AHNAK2: variants seen among roughly 807,000 people sequenced by gnomAD.
The protein encoded by AHNAK2 is protein AHNAK2.
A neutral mutation model predicts 30.7 loss-of-function variants in AHNAK2; 18 were observed. That is an observed-to-expected ratio of 0.59 (90% CI 0.41 to 0.87). AHNAK2 has a LOEUF of 0.87. AHNAK2 is among the 40% of genes least tolerant of loss of function. AHNAK2 has a pLI of 0.00. For synonymous variants in AHNAK2, 3,590 were observed against 3,073.8 expected (o/e 1.17, Z -5.56); for missense variants, 8,604 against 7,373.0 (o/e 1.17, Z -6.11).
In AHNAK2 at chr14:104,950,087, G is replaced by T; in HGVS notation, c.5364C>A (p.Ser1788Arg). The T allele has an allele frequency of 6.3e-7, 1 of 1,586,866 alleles. No individual in the cohort carries two copies. Among genetic ancestry groups the T allele is most frequent in the South Asian group, 1.1e-5 (1 of 89,984 alleles). ...CTGGAGCCTCGACGTCCACCTCCAC[G>T]CTGGGCAGAGACACCTCCACGTCGG... ...MAPDVEVSLP[S>R]VEVDVEAPGA... The change falls in exon 7 of 7, where the codon AGC (serine) becomes AGA (arginine). Residue 1788 changes from serine to arginine, a missense_variant. Transcript: ENST00000333244.
chr14:104,974,392 C>G (rs1198226588), intron 1 of AHNAK2, among the ~76,000 whole-genome samples: 1 of 152,258 alleles, frequency 6.6e-6, no homozygotes, highest in Admixed American at 6.5e-5. Context: ...CAGCAGCTGA[C>G]GCTGCCACCT....
Position 104,953,431 on chromosome 14 carries a change from T to C in AHNAK2, c.2020A>G (p.Lys674Glu). Reference sequence around the variant, plus strand: ...ATCTTGAACTTGGGCATTTTGAACTTGCTGTCTTTGGTGGCCACTTCCTTT... The same window carrying C: ...ATCTTGAACTTGGGCATTTTGAACTCGCTGTCTTTGGTGGCCACTTCCTTT... Reference protein sequence around the residue: ...TEKEVATKDSKFKMPKFKMPL... With the variant: ...TEKEVATKDSEFKMPKFKMPL... The change falls in exon 7 of 7, where the codon AAG (lysine) becomes GAG (glutamate). Residue 674 changes from lysine to glutamate, a missense_variant. Physicochemically the swap from Lys to Glu is moderately conservative, Grantham distance 56. Transcript: ENST00000333244. 6.2e-7 allele frequency: 1 copy of C among 1,614,024 alleles called. No individual in the cohort carries two copies. The highest frequency in any genetic ancestry group is 8.5e-7 in the Non-Finnish European group (1 of 1,179,888).
chr14:104,956,936 C>T (rs1279831821), intron 3 of AHNAK2, among the ~76,000 whole-genome samples: 5 of 152,222 alleles, frequency 3.3e-5, no homozygotes, highest in Non-Finnish European at 7.3e-5. Flanking sequence ...GCCCACAGCG[C>T]CCATAGGGAA....
Position 104,938,036 on chromosome 14 carries a change from C to G in AHNAK2, c.*27G>C. The G allele has an allele frequency of 6.3e-7, 1 of 1,579,646 alleles. No individual in the cohort carries two copies. The highest frequency in any genetic ancestry group is 8.6e-7 in the Non-Finnish European group (1 of 1,161,762). The stretch of plus-strand genomic sequence containing the variant: ...TACTTTCCAACTTAGTTTTTTGCAT[C>G]TCTCTTGTACTGATGAGCCATACCT... On this transcript the variant is annotated 3_prime_UTR_variant, in exon 7 of 7. Transcript: ENST00000333244.
chr14:104,943,579 C>A lies in AHNAK2; in HGVS notation c.11872G>T (p.Asp3958Tyr), dbSNP rs746504225. 1.2e-6 allele frequency: 2 copies of A among 1,612,234 alleles called. No homozygotes were observed. The highest frequency in any genetic ancestry group is 1.7e-6 in the Non-Finnish European group (2 of 1,179,350). ...ARLEGDLSLA[D>Y]KDMTAKDSKF... is the part of the protein sequence containing the mutation. ...CTGTCTTTGGCCGTCATGTCCTTGTCGGCCAGGGACAGGTCCCCCTCCAGC... is the reference window on the plus strand; with the variant it reads ...CTGTCTTTGGCCGTCATGTCCTTGTAGGCCAGGGACAGGTCCCCCTCCAGC... Residue 3958 changes from aspartate to tyrosine, a missense_variant, in exon 7 of 7, where the codon GAC becomes TAC. Coordinates refer to ENST00000333244, the MANE Select transcript of AHNAK2 (RefSeq NM_138420.4).
rs190986194 is a variant in AHNAK2, at chr14:104,951,395, G to C, written c.4056C>G (p.Asp1352Glu). The change falls in exon 7 of 7, where the codon GAC (aspartate) becomes GAG (glutamate). Residue 1352 changes from aspartate (D) to glutamate (E), a missense_variant. By Grantham distance (45) the Asp-to-Glu change is conservative (BLOSUM62 2). Coordinates refer to ENST00000333244, the MANE Select transcript of AHNAK2 (RefSeq NM_138420.4). Reference sequence around the variant, plus strand: ...CGGCCTCCACCTTGGGTGCAGACAGGTCCACGGAGGCCTCAATGGACTTGC... The same window carrying C: ...CGGCCTCCACCTTGGGTGCAGACAGCTCCACGGAGGCCTCAATGGACTTGC... Reference protein sequence around the residue: ...APGKSIEASVDLSAPKVEADM... With the variant: ...APGKSIEASVELSAPKVEADM... The C allele has an allele frequency of 2.8e-6, 3 of 1,066,220 alleles. 1 individual carries two copies. The highest frequency in any genetic ancestry group is 2.4e-5 in the East Asian group (1 of 42,058). 66.0% of individuals were successfully genotyped at this position (1,066,220 alleles called of 1,614,324 possible).
chr14:104,976,617 C>T (rs1425844043), intron 1 of AHNAK2, among the ~76,000 whole-genome samples: 1 of 152,208 alleles, frequency 6.6e-6, no homozygotes, highest in Non-Finnish European at 1.5e-5. Context: ...AGCCACTGAC[C>T]TTATTCCCTA....
Position 104,942,109 on chromosome 14 carries a change from C to A in AHNAK2, c.13342G>T (p.Asp4448Tyr), listed in dbSNP as rs754853056. 6.2e-7 allele frequency: 1 copy of A among 1,613,082 alleles called. No homozygotes were observed. Among genetic ancestry groups the A allele is most frequent in the Non-Finnish European group, 8.5e-7 (1 of 1,179,714 alleles). ...AKLDSTRLEG[D>Y]LSLADKDVTA... ...ACGTCCTTGTCAGCCAGGGACAGGT[C>A]CCCCTCCAGCCGCGTACTGTCCAGC... Residue 4448 changes from aspartate to tyrosine, a missense_variant, in exon 7 of 7, where the codon GAC (aspartate) becomes TAC (tyrosine). Coordinates refer to ENST00000333244, the MANE Select transcript of AHNAK2 (RefSeq NM_138420.4).
Position 104,953,796 on chromosome 14 carries a change from T to TC in AHNAK2, c.1654dup (p.Asp552GlyfsTer2). The stretch of plus-strand genomic sequence containing the variant: ...TAGTCCTTCCTCTCCATCTCCTTCA[T>TC]CCCCCTGTGCTTCTGCATGTGTGGT... On this transcript the variant is annotated frameshift_variant, in exon 7 of 7. Transcript: ENST00000333244. LOFTEE classifies it low-confidence loss of function (END_TRUNC). The TC allele has an allele frequency of 3.1e-6, 5 of 1,613,908 alleles. No homozygotes were observed. Among genetic ancestry groups the TC allele is most frequent in the Non-Finnish European group, 4.2e-6 (5 of 1,179,872 alleles).
In AHNAK2 at chr14:104,943,689, T is replaced by C. The variant is rs778524271; in HGVS notation, c.11762A>G (p.Glu3921Gly). Residue 3921 changes from glutamate (E) to glycine (G), a missense_variant, in exon 7 of 7, where the codon GAA becomes GGA. Physicochemically the swap from Glu to Gly is moderately conservative, Grantham distance 98. Coordinates refer to ENST00000333244, the MANE Select transcript of AHNAK2 (RefSeq NM_138420.4). ...AACCTCCACATCAGGGGCTGTCACT[T>C]CCACCTTGGGGTCTTTTAGGTCCAG... The part of the protein sequence containing the change: ...PKLDLKDPKV[E>G]VTAPDVEVSL... The C allele has an allele frequency of 6.2e-7, 1 of 1,612,930 alleles. No individual in the cohort carries two copies. The highest frequency in any genetic ancestry group is 2.2e-5 in the East Asian group (1 of 44,790).
chr14:104,945,452 C>G lies in AHNAK2; in HGVS notation c.9999G>C (p.Val3333=). ...CGTCGGCCTCCGCCTTCGGCGCAGA[C>G]ACATCCACCGAGGCCTGGATGGACT... is the stretch of plus-strand genomic sequence containing the variant. ...PGKSIQASVD[V]SAPKAEADVS... The change falls in exon 7 of 7, where the codon GTG becomes GTC. Residue 3333 remains valine, a synonymous_variant. Transcript: ENST00000333244. 1 of 1,613,496 alleles carries G rather than the reference C, an allele frequency of 6.2e-7. No individual in the cohort carries two copies. The highest frequency in any genetic ancestry group is 8.5e-7 in the Non-Finnish European group (1 of 1,179,720).
chr14:104,967,667 C>T (rs1034161175), intron 1 of AHNAK2, among the ~76,000 whole-genome samples: 23 of 152,186 alleles, frequency 1.5e-4, no homozygotes, highest in Non-Finnish European at 2.4e-4. Context: ...AGAGGCTCAG[C>T]GAGCGGCAGA....
rs1469246803 is a variant in AHNAK2 at position 104,946,459 on chromosome 14, C to G, written c.8992G>C (p.Glu2998Gln). Reference protein sequence around the residue: ...FGVSAPGKSIEVSVDVSAPKV... With the variant: ...FGVSAPGKSIQVSVDVSAPKV... ...GGCGCAGACACATCCACCGAGACCT[C>G]AATGGACTTGCCTGGGGCAGACACC... The change falls in exon 7 of 7, where the codon GAG (glutamate) becomes CAG (glutamine). Residue 2998 changes from glutamate (E) to glutamine (Q), a missense_variant. Glu to Gln is a conservative substitution (Grantham distance 29). Transcript: ENST00000333244. 4.3e-6 allele frequency: 7 copies of G among 1,612,706 alleles called. No individual in the cohort carries two copies. The highest frequency in any genetic ancestry group is 2.2e-5 in the East Asian group (1 of 44,722).
intron 1 of AHNAK2, among the ~76,000 whole-genome samples, chr14:104,973,139 G>A (rs1168834564): frequency 6.6e-6 from 1 of 152,232 alleles, no homozygotes; most frequent in African/African-American, 2.4e-5. Context: ...CTGATCAGCT[G>A]GAGGGACGGC....
At chr14:104,968,851 T>C (rs1899390062) in intron 1 of AHNAK2, among the ~76,000 whole-genome samples, 1 of 152,204 alleles carries the variant, frequency 6.6e-6, no homozygotes, top group Non-Finnish European at 1.5e-5. Flanking sequence ...GTGTCTGGCC[T>C]GGGCTCCTCC....
Position 104,950,897 on chromosome 14 carries a change from C to T in AHNAK2, c.4554G>A (p.Val1518=), listed in dbSNP as rs377022486. 6.4e-7 allele frequency: 1 copy of T among 1,561,776 alleles called. No homozygotes were observed. The highest frequency in any genetic ancestry group is 1.4e-5 in the African/African-American group (1 of 71,916). Residue 1518 remains valine, a synonymous_variant, in exon 7 of 7, where the codon GTG becomes GTA. Transcript: ENST00000333244. Reference sequence around the variant, plus strand: ...CGTCGGCCTCCACCTTCGGCGCAGACACATCCACTGAGGCCTCGATGGACT... The same window carrying T: ...CGTCGGCCTCCACCTTCGGCGCAGATACATCCACTGAGGCCTCGATGGACT... The part of the protein sequence containing the change: ...PGKSIEASVD[V]SAPKVEADVS...
In AHNAK2 at chr14:104,944,914, G is replaced by A. The variant is rs1234657799; in HGVS notation, c.10537C>T (p.Gln3513Ter). Residue 3513 changes from glutamine (Q) to a stop codon, truncating the protein, a stop_gained, in exon 7 of 7, where the codon CAG (glutamine) becomes TAG (stop). Coordinates refer to ENST00000333244, the MANE Select transcript of AHNAK2 (RefSeq NM_138420.4). LOFTEE classifies it low-confidence loss of function (END_TRUNC). ...VEADVSLSSM[Q>*]GDLKATDLSI... ...AGGTCAGTGGCCTTGAGGTCCCCCT[G>A]CATGGAGGAGAGGCTCACGTCGGCC... 1 of 1,613,218 alleles carries A rather than the reference G, an allele frequency of 6.2e-7. No individual in the cohort carries two copies. The highest frequency in any genetic ancestry group is 8.5e-7 in the Non-Finnish European group (1 of 1,179,608).
Position 104,952,294 on chromosome 14 carries a change from T to C in AHNAK2, c.3157A>G (p.Thr1053Ala), listed in dbSNP as rs374934059. ...TTDLSIQPAS[T>A]DLKVQADQVD... is the part of the protein sequence containing the mutation. ...TGGTCAGCCTGGACCTTCAGGTCAGTAGAAGCAGGCTGAATGCTGAGGTCA... is the reference window on the plus strand; with the variant it reads ...TGGTCAGCCTGGACCTTCAGGTCAGCAGAAGCAGGCTGAATGCTGAGGTCA... The change falls in exon 7 of 7, where the codon ACT becomes GCT. Residue 1053 changes from threonine (T) to alanine (A), a missense_variant. By Grantham distance (58) the Thr-to-Ala change is moderately conservative. Coordinates refer to ENST00000333244, the MANE Select transcript of AHNAK2 (RefSeq NM_138420.4). 50 of 1,608,962 alleles carry C rather than the reference T, an allele frequency of 3.1e-5. 1 individual carries two copies. Among genetic ancestry groups the C allele is most frequent in the African/African-American group, 2.9e-4 (21 of 73,384 alleles).
At position 104,953,102 on chromosome 14, in the gene AHNAK2, G is replaced by A; in HGVS notation, c.2349C>T (p.Pro783=). ...CATCGGGGGCTGTCACTTCCGCCTT[G>A]GGGCCTTTCAGGTCCAGCTTGGGGC... ...LKGPKLDLKG[P]KAEVTAPDVK... is the part of the protein sequence containing the mutation. Residue 783 remains proline (P), a synonymous_variant, in exon 7 of 7, where the codon CCC becomes CCT. Transcript: ENST00000333244. The A allele has an allele frequency of 1.2e-6, 2 of 1,613,280 alleles. No homozygotes were observed. Among genetic ancestry groups the A allele is most frequent in the Non-Finnish European group, 1.7e-6 (2 of 1,179,692 alleles).
Sources: gnomAD v4.1 joint callset for allele counts (sites outside exome capture counted in the v4.1 genomes callset) on GRCh38, gnomAD v4.1.1 for gene constraint, MANE v1.5 for transcripts, NCBI Gene and HGNC (gene_info 2026-07-23, HGNC 2026-07-21) for gene names.